TTC28: variants seen among roughly 807,000 people sequenced by gnomAD.
TTC28 encodes tetratricopeptide repeat protein 28.
TTC28 carries 61 observed loss-of-function variants against 198.0 expected under a neutral mutation model. The ratio of observed to expected loss-of-function variants is 0.31; its 90% CI spans 0.25 to 0.38. TTC28 has a LOEUF of 0.38. TTC28 is among the 10% of genes least tolerant of loss of function. The pLI is 1.00. For synonymous variants in TTC28, 1,171 were observed against 1,297.8 expected (o/e 0.90, Z 2.10); for missense variants, 2,678 against 3,164.0 (o/e 0.85, Z 3.69).
intron 2 of TTC28, among the ~76,000 whole-genome samples, chr22:28,542,588 A>C (rs1345330155): frequency 6.6e-6 from 1 of 152,104 alleles, no homozygotes; most frequent in African/African-American, 2.4e-5. Context: ...ATAATTAAAA[A>C]TAAATAATTT....
At chr22:28,476,756 C>T (rs1302450899) in intron 2 of TTC28, among the ~76,000 whole-genome samples, 4 of 151,970 alleles carry the variant, frequency 2.6e-5, no homozygotes, top group African/African-American at 9.6e-5. Flanking sequence ...GCCATATGAC[C>T]CTGCAATTAC....
At chr22:28,033,418 A>G (rs995114089) in intron 12 of TTC28, among the ~76,000 whole-genome samples, 1 of 152,186 alleles carries the variant, frequency 6.6e-6, no homozygotes, top group Non-Finnish European at 1.5e-5. Flanking sequence ...TGGTCACCAT[A>G]GGCCCTGATT....
intron 2 of TTC28, among the ~76,000 whole-genome samples, chr22:28,364,283 T>C (rs1041191855): frequency 6.6e-6 from 1 of 152,216 alleles, no homozygotes; most frequent in African/African-American, 2.4e-5. Context: ...CTTTGCCTGC[T>C]GCCATCCATG....
At position 28,260,663 on chromosome 22, in the gene TTC28, C is replaced by T. The variant is rs183903240; in HGVS notation, c.933+35535G>A. 5.9e-5 allele frequency among the ~76,000 whole-genome samples: 9 copies of T among 152,218 alleles called. No homozygotes were observed. The East Asian group carries it at 1.7e-3, about 29-fold the overall frequency. ...AACAAACAACAGCAATAAAACCTTT[C>T]GCTAGAAAAACAGCATCACCAAAAT... On this transcript the variant is annotated intron_variant, in intron 5 of 22. Coordinates refer to ENST00000397906, the MANE Select transcript of TTC28 (RefSeq NM_001145418.2).
At chr22:28,431,380 C>T (rs1569321200) in intron 2 of TTC28, among the ~76,000 whole-genome samples, 1 of 152,134 alleles carries the variant, frequency 6.6e-6, no homozygotes, top group East Asian at 1.9e-4. Flanking sequence ...ATATTTTAAA[C>T]TCTAAACAAA....
chr22:28,177,910 A>T (rs529322075), intron 5 of TTC28, among the ~76,000 whole-genome samples: 10 of 152,322 alleles, frequency 6.6e-5, no homozygotes, highest in African/African-American at 2.4e-4. Context: ...ATTCTGCATG[A>T]TAATACTGGA....
chr22:28,652,620 T>A (rs985244421), intron 1 of TTC28, among the ~76,000 whole-genome samples: 2 of 152,234 alleles, frequency 1.3e-5, no homozygotes, highest in Admixed American at 1.3e-4. Context: ...GTAACACCAG[T>A]CTAGAAATTT....
intron 5 of TTC28, among the ~76,000 whole-genome samples, chr22:28,215,641 T>G (rs1927331268): frequency 6.6e-6 from 1 of 152,112 alleles, no homozygotes; most frequent in Admixed American, 6.6e-5. Flanking sequence ...TGTGTGTATG[T>G]GTAAGAGAGA....
chr22:28,035,186 C>T (rs1421566261), intron 12 of TTC28, among the ~76,000 whole-genome samples: 1 of 152,174 alleles, frequency 6.6e-6, no homozygotes. Flanking sequence ...CTCCATTCCC[C>T]ACCCCCCTCC....
intron 2 of TTC28, among the ~76,000 whole-genome samples, chr22:28,451,619 C>A (rs541695034): frequency 6.6e-6 from 1 of 152,188 alleles, no homozygotes; most frequent in Non-Finnish European, 1.5e-5. Flanking sequence ...TTTCATTATA[C>A]ATTAGTTCAC....
intron 5 of TTC28, among the ~76,000 whole-genome samples, chr22:28,205,190 C>T (rs1926293136): frequency 6.6e-6 from 1 of 152,004 alleles, no homozygotes; most frequent in South Asian, 2.1e-4. Flanking sequence ...TAAAGAGATG[C>T]TCTTTTGTTT....
Position 28,399,094 on chromosome 22 carries a change from T to C in TTC28, c.382-92451A>G, listed in dbSNP as rs142275913. On this transcript the variant is annotated intron_variant, in intron 2 of 22. Coordinates refer to ENST00000397906, the MANE Select transcript of TTC28 (RefSeq NM_001145418.2). ...TTGCAATGGTGTTGATCCTAATATA[T>C]GATATACTTCAACTCTACCAGACTT... Among the ~76,000 whole-genome samples the C allele has an allele frequency of 1.2e-3, 186 of 151,888 alleles. 5 individuals are homozygous for C. The East Asian group carries it at 0.033, about 27-fold the overall frequency.
At chr22:28,100,434 T>A (rs1006252835) in intron 9 of TTC28, among the ~76,000 whole-genome samples, 8 of 152,246 alleles carry the variant, frequency 5.3e-5, no homozygotes, top group African/African-American at 1.9e-4. Context: ...CAGGTTTTAC[T>A]TTTTATAACC....
At chr22:28,401,211 CGAT>C (rs998647202) in intron 2 of TTC28, among the ~76,000 whole-genome samples, 14 of 144,374 alleles carry the variant, frequency 9.7e-5, no homozygotes, top group South Asian at 2.1e-4. Context: ...AGGAGGATGA[CGAT>C]GACGATGACG....
rs1941695160 is a variant in TTC28 at position 28,088,375 on chromosome 22, T to A, written c.3932+5705A>T. ...ATAACGCCGCATATCTACAACTATC[T>A]GATCTTTGACAAACTTGACAAAAAC... On this transcript the variant is annotated intron_variant, in intron 12 of 22. Coordinates refer to ENST00000397906, the MANE Select transcript of TTC28 (RefSeq NM_001145418.2). Among the ~76,000 whole-genome samples, 7 of 151,546 alleles carry A rather than the reference T, an allele frequency of 4.6e-5. No homozygotes were observed. In the South Asian group the frequency reaches 1.5e-3, roughly 32 times the overall value.
chr22:28,041,342 G>C (rs1357014144), intron 12 of TTC28, among the ~76,000 whole-genome samples: 1 of 152,132 alleles, frequency 6.6e-6, no homozygotes, highest in Admixed American at 6.5e-5. Flanking sequence ...ATACTGCAAG[G>C]CTACAGTAAC....
At chr22:28,397,295 C>T (rs139662981) in intron 2 of TTC28, among the ~76,000 whole-genome samples, 1 of 152,290 alleles carries the variant, frequency 6.6e-6, no homozygotes, top group East Asian at 1.9e-4. Context: ...GCTCATTGAT[C>T]CTCACAAGAG....
intron 5 of TTC28, among the ~76,000 whole-genome samples, chr22:28,191,038 A>G (rs1258961305): frequency 6.6e-6 from 1 of 152,192 alleles, no homozygotes; most frequent in African/African-American, 2.4e-5. Flanking sequence ...CGATTTTCAC[A>G]ATATGATTCC....
At chr22:28,675,692 T>C (rs900300739) in intron 1 of TTC28, among the ~76,000 whole-genome samples, 2 of 149,960 alleles carry the variant, frequency 1.3e-5, no homozygotes, top group African/African-American at 4.9e-5. Flanking sequence ...TGAGCTGTGA[T>C]CCTACCACTG....
Sources: allele counts gnomAD v4.1 joint callset (sites outside exome capture counted in the v4.1 genomes callset), GRCh38; gene constraint gnomAD v4.1.1; transcripts MANE v1.5; gene names NCBI Gene and HGNC (gene_info 2026-07-23, HGNC 2026-07-21).